MGAM2: variants seen among roughly 807,000 people sequenced by gnomAD.
MGAM2 encodes the protein probable maltase-glucoamylase 2.
MGAM2 carries 98 observed loss-of-function variants against 96.1 expected under a neutral mutation model. That is an observed-to-expected ratio of 1.02 (90% CI 0.87 to 1.21). MGAM2 has a LOEUF of 1.21. MGAM2 is among the 50% of genes most tolerant of loss of function. The pLI is 0.00. For synonymous variants in MGAM2, 749 were observed against 414.8 expected, an observed-to-expected ratio of 1.81 and a Z score of -9.79; for missense variants, 2,055 against 1,182.4, an observed-to-expected ratio of 1.74 and a Z score of -10.82.
intron 2 of MGAM2, among the ~76,000 whole-genome samples, chr7:142,119,230 T>C (rs975139561): frequency 1.3e-5 from 2 of 151,478 alleles, no homozygotes; most frequent in African/African-American, 4.8e-5. Flanking sequence ...AAATCCAAAT[T>C]TAAAAAAAAA....
At chr7:142,198,585 G>A (rs371361522) in intron 43 of MGAM2, 30 bp from the exon 44 acceptor site, 40 of 698,818 alleles carry the variant, frequency 5.7e-5, no homozygotes, top group East Asian at 1.3e-4. Flanking sequence ...TTTATCTCTC[G>A]CCATTTTTTG....
In MGAM2 at chr7:142,221,899, T is replaced by C. The variant is rs1797943382; in HGVS notation, c.7388T>C (p.Val2463Ala). The C allele has an allele frequency of 2.5e-6, 1 of 399,846 alleles. No homozygotes were observed. The highest frequency in any genetic ancestry group is 2.1e-5 in the African/African-American group (1 of 48,624). 24.8% of individuals were successfully genotyped at this position (399,846 alleles called of 1,614,324 possible). ...SQTPHMVINSVATYLPITATS... is the reference protein window; with the variant it reads ...SQTPHMVINSAATYLPITATS... Reference sequence around the variant, plus strand: ...ACTCCCCATATGGTAATAAATTCTGTGGCTACTTATTTACCTATTACTGCA... The same window carrying C: ...ACTCCCCATATGGTAATAAATTCTGCGGCTACTTATTTACCTATTACTGCA... Residue 2463 changes from valine (V) to alanine (A), a missense_variant, in exon 48 of 48, where the codon GTG becomes GCG. Physicochemically the swap from Val to Ala is moderately conservative, Grantham distance 64 (BLOSUM62 0). Coordinates refer to ENST00000477922, the MANE Select transcript of MGAM2 (RefSeq NM_001293626.2).
In MGAM2 at chr7:142,170,193, G is replaced by A; in HGVS notation, c.3146G>A (p.Gly1049Glu). 1.4e-6 allele frequency: 1 copy of A among 702,614 alleles called. No individual in the cohort carries two copies. Among genetic ancestry groups the A allele is most frequent in the East Asian group, 2.7e-5 (1 of 37,278 alleles). The allele number at this position is 702,614 out of a possible 1,614,324, so 43.5% of individuals were successfully genotyped here. The stretch of plus-strand genomic sequence containing the variant: ...GTCAGGATTCAGAACAATCCTTTTG[G>A]AATCCAGATTCAACGCAAAAACTCC... ...YDVRIQNNPF[G>E]IQIQRKNSST... Residue 1049 changes from glycine to glutamate, a missense_variant, in exon 27 of 48, where the codon GGA becomes GAA. Coordinates refer to ENST00000477922, the MANE Select transcript of MGAM2 (RefSeq NM_001293626.2).
At chr7:142,123,930 T>C (rs568645314) in intron 3 of MGAM2, among the ~76,000 whole-genome samples, 1 of 152,062 alleles carries the variant, frequency 6.6e-6, no homozygotes, top group African/African-American at 2.4e-5. Context: ...TAGTACTGAT[T>C]TTTGTATATG....
chr7:142,199,846 A>G lies in MGAM2; in HGVS notation c.5049-34A>G, dbSNP rs1392179544. ...TCTTTATTCTTACAACCTACAATCT[A>G]GAGAAAAATAACTCTTTTTTTTTTT... On this transcript the variant is annotated intron_variant, in intron 44 of 47. Transcript: ENST00000477922. 4.5e-6 allele frequency: 3 copies of G among 664,060 alleles called. No homozygotes were observed. The South Asian group carries it at 4.9e-5, about 11-fold the overall frequency. 41.1% of individuals were successfully genotyped at this position (664,060 alleles called of 1,614,324 possible).
intron 10 of MGAM2, among the ~76,000 whole-genome samples, chr7:142,138,992 G>C (rs1425094603): frequency 6.6e-6 from 1 of 152,184 alleles, no homozygotes; most frequent in East Asian, 1.9e-4. Context: ...CTGGTAGTAA[G>C]GAATGCCTTA....
chr7:142,128,980 C>T (rs554310711), intron 3 of MGAM2, among the ~76,000 whole-genome samples: 35 of 152,324 alleles, frequency 2.3e-4, no homozygotes, highest in African/African-American at 7.9e-4. Flanking sequence ...GGAAAAGCCG[C>T]AGACACTCAA....
At position 142,208,635 on chromosome 7, in the gene MGAM2, T is replaced by C. The variant is rs186693333; in HGVS notation, c.5187+13T>C. 1.3e-5 allele frequency: 9 copies of C among 701,738 alleles called. No homozygotes were observed. In the East Asian group the frequency reaches 1.3e-4, roughly 10 times the overall value. 43.5% of individuals were successfully genotyped at this position (701,738 alleles called of 1,614,324 possible). A position where few individuals can be genotyped will look rare whatever the true frequency, so the allele number is the denominator to read the frequency against. On this transcript the variant is annotated intron_variant, in intron 46 of 47. Coordinates refer to ENST00000477922, the MANE Select transcript of MGAM2 (RefSeq NM_001293626.2). ...TATAGCAGCTCAGGTAAGACTAATT[T>C]ACTACATTTTACAAATCTTTTCCCA...
intron 45 of MGAM2, chr7:142,208,085 C>T (rs1469220416): frequency 2.3e-6 from 1 of 437,028 alleles, no homozygotes; most frequent in Non-Finnish European, 4.6e-6. Context: ...TATCTCCATT[C>T]TATAGATGAT....
intron 45 of MGAM2, among the ~76,000 whole-genome samples, chr7:142,203,867 T>C (rs892553677): frequency 2.6e-5 from 4 of 152,146 alleles, no homozygotes; most frequent in African/African-American, 9.6e-5. Context: ...AAGATTTAAA[T>C]GTAAGACCTC....
At chr7:142,186,194 A>T in intron 35 of MGAM2, 71 bp downstream of exon 35, 3 of 672,536 alleles carry the variant, frequency 4.5e-6, no homozygotes, top group Admixed American at 2.3e-5. Flanking sequence ...GGGAGGAGAG[A>T]CTAGCAAAGC....
At chr7:142,145,881 T>C (rs1795368089) in intron 14 of MGAM2, among the ~76,000 whole-genome samples, 1 of 152,142 alleles carries the variant, frequency 6.6e-6, no homozygotes, top group South Asian at 2.1e-4. Context: ...ATAATCTTCT[T>C]ATATTTCCAG....
chr7:142,207,020 T>C (rs975755290), intron 45 of MGAM2, among the ~76,000 whole-genome samples: 1 of 152,254 alleles, frequency 6.6e-6, no homozygotes, highest in African/African-American at 2.4e-5. Context: ...TATAATTGCT[T>C]CCATAAAAGT....
chr7:142,137,435 G>A lies in MGAM2; in HGVS notation c.850G>A (p.Val284Ile). The A allele has an allele frequency of 1.4e-6, 1 of 691,672 alleles. No individual in the cohort carries two copies. The highest frequency in any genetic ancestry group is 2.7e-5 in the East Asian group (1 of 36,832). The allele number at this position is 691,672 out of a possible 1,614,324, so 42.8% of individuals were successfully genotyped here. Residue 284 changes from valine (V) to isoleucine (I), a missense_variant and splice_region_variant, in exon 9 of 48, where the codon GTT (valine) becomes ATT (isoleucine). Coordinates refer to ENST00000477922, the MANE Select transcript of MGAM2 (RefSeq NM_001293626.2). ...VFLMNSNAMEVTLQPAPAITY... is the reference protein window; with the variant it reads ...VFLMNSNAMEITLQPAPAITY... ...TAATCTCATTATAATTTTTTCAGAG[G>A]TTACCCTTCAGCCAGCTCCTGCGAT...
chr7:142,171,283 A>C lies in MGAM2; in HGVS notation c.3194A>C (p.Gln1065Pro), dbSNP rs1324786175. The C allele has an allele frequency of 1.4e-6, 1 of 702,552 alleles. No homozygotes were observed. The highest frequency in any genetic ancestry group is 2.6e-6 in the Non-Finnish European group (1 of 384,630). 43.5% of individuals were successfully genotyped at this position (702,552 alleles called of 1,614,324 possible). The change falls in exon 28 of 48, where the codon CAA (glutamine) becomes CCA (proline). Residue 1065 changes from glutamine to proline, a missense_variant. Coordinates refer to ENST00000477922, the MANE Select transcript of MGAM2 (RefSeq NM_001293626.2). ...CTTTTGTGTTGCAGTTGGGATTCTC[A>C]ACTCCCTGGCTTCATCTTCAATGAC... ...KNSSTVIWDSQLPGFIFNDMF... is the reference protein window; with the variant it reads ...KNSSTVIWDSPLPGFIFNDMF...
intron 8 of MGAM2, 95 bp downstream of exon 8, chr7:142,136,735 C>CAG: frequency 1.8e-6 from 1 of 553,210 alleles, no homozygotes; most frequent in Non-Finnish European, 3.2e-6. Flanking sequence ...AACTGTTGAA[C>CAG]AGAAGGCATT....
At chr7:142,159,563 G>A (rs1237515187) in intron 20 of MGAM2, among the ~76,000 whole-genome samples, 3 of 152,204 alleles carry the variant, frequency 2.0e-5, no homozygotes, top group African/African-American at 4.8e-5. Flanking sequence ...TATTGCTCAC[G>A]GTTTTGGAGG....
chr7:142,220,806 C>A lies in MGAM2; in HGVS notation c.6295C>A (p.Pro2099Thr). The A allele has an allele frequency of 1.4e-6, 1 of 702,160 alleles. No individual in the cohort carries two copies. The highest frequency in any genetic ancestry group is 2.6e-6 in the Non-Finnish European group (1 of 384,766). The allele number at this position is 702,160 out of a possible 1,614,324, so 43.5% of individuals were successfully genotyped here. A position where few individuals can be genotyped will look rare whatever the true frequency, so the allele number is the denominator to read the frequency against. Residue 2099 changes from proline to threonine, a missense_variant, in exon 48 of 48, where the codon CCC becomes ACC. Coordinates refer to ENST00000477922, the MANE Select transcript of MGAM2 (RefSeq NM_001293626.2). ...TACTGTGAGTACTATTGCTACCGTTCCCATTTCAGTGACTCCTTCTCTGAC... is the reference window on the plus strand; with the variant it reads ...TACTGTGAGTACTATTGCTACCGTTACCATTTCAGTGACTCCTTCTCTGAC... ...STTVSTIATV[P>T]ISVTPSLTST...
At position 142,123,966 on chromosome 7, in the gene MGAM2, T is replaced by TA. The variant is rs1794660999; in HGVS notation, c.186+3585_186+3586insA. ...GTATCAGGTAAGAGTCCAGAAACTT[T>TA]TTTTTTTTTTTTTTTTTTTTTTTTG... On this transcript the variant is annotated intron_variant, in intron 3 of 47. Coordinates refer to ENST00000477922, the MANE Select transcript of MGAM2 (RefSeq NM_001293626.2). Among the ~76,000 whole-genome samples, 5 of 114,904 alleles carry TA rather than the reference T, an allele frequency of 4.4e-5. No homozygotes were observed. In the South Asian group the frequency reaches 1.6e-3, roughly 37 times the overall value. The allele number at this position is 114,904 out of a possible 152,430, so 75.4% of individuals were successfully genotyped here.
Sources: allele counts gnomAD v4.1 joint callset (sites outside exome capture counted in the v4.1 genomes callset), GRCh38; gene constraint gnomAD v4.1.1; transcripts MANE v1.5; gene names NCBI Gene and HGNC (gene_info 2026-07-23, HGNC 2026-07-21).